The following FAM184B variants were observed in gnomAD, a reference collection of about 807,000 sequenced individuals.
FAM184B encodes the protein family with sequence similarity 184 member B.
In FAM184B, 111 loss-of-function variants were observed where a neutral mutation model predicts 135.9. The observed-to-expected ratio is 0.82, with a 90% CI of 0.70 to 0.96. The LOEUF (loss-of-function observed/expected upper bound fraction) is 0.96. Among genes scored for constraint, FAM184B ranks in the 40% least tolerant of loss-of-function variants. The probability of loss-of-function intolerance (pLI) is 0.00; values close to 1 mark genes in which losing one functional copy is unlikely to be tolerated. For missense variants in FAM184B, 1,375 were observed against 1,323.9 expected, an observed-to-expected ratio of 1.04 and a Z score of -0.60; for synonymous variants, 552 against 524.8, an observed-to-expected ratio of 1.05 and a Z score of -0.71.
rs556541561 is a variant in FAM184B, at chr4:17,709,585, C to A, written c.201G>T (p.Arg67=). ...TCTGGAGCTCCTCCTGGTGCGCTTCCCGCAGCGCCTCCATGCTGGCCTCAG... is the reference window on the plus strand; with the variant it reads ...TCTGGAGCTCCTCCTGGTGCGCTTCACGCAGCGCCTCCATGCTGGCCTCAG... ...DEAEASMEAL[R]EAHQEELQNA... Residue 67 remains arginine, a synonymous_variant, in exon 2 of 18, where the codon CGG becomes CGT. Transcript: ENST00000265018. 2,603 of 1,546,190 alleles carry A rather than the reference C, an allele frequency of 1.7e-3. 3 individuals are homozygous for A. Among genetic ancestry groups the A allele is most frequent in the Non-Finnish European group, 2.2e-3 (2,510 of 1,145,430 alleles).
At chr4:17,718,346 G>GA (rs969056956) in intron 1 of FAM184B, among the ~76,000 whole-genome samples, 7 of 150,648 alleles carry the variant, frequency 4.6e-5, no homozygotes, top group South Asian at 2.1e-4. Flanking sequence ...ACCTTGTTTA[G>GA]AAAAAAAAAG....
chr4:17,654,892 G>A (rs1715746377), intron 10 of FAM184B, among the ~76,000 whole-genome samples: 2 of 152,124 alleles, frequency 1.3e-5, no homozygotes, highest in African/African-American at 4.8e-5. Context: ...TCACTCTGTT[G>A]CCCAGCTGGA....
chr4:17,654,264 A>T, intron 10 of FAM184B, among the ~76,000 whole-genome samples: 1 of 151,398 alleles, frequency 6.6e-6, no homozygotes, highest in Non-Finnish European at 1.5e-5. Context: ...AGGAAATGAG[A>T]GATGGGCATT....
chr4:17,691,087 T>C (rs541949682), intron 6 of FAM184B, among the ~76,000 whole-genome samples: 1 of 152,220 alleles, frequency 6.6e-6, no homozygotes, highest in Admixed American at 6.5e-5. Flanking sequence ...AGGTTCTGAG[T>C]GACCCTTAGT....
intron 13 of FAM184B, among the ~76,000 whole-genome samples, chr4:17,639,785 C>A (rs991180785): frequency 6.6e-6 from 1 of 151,660 alleles, no homozygotes; most frequent in African/African-American, 2.4e-5. Flanking sequence ...ACCTGGGAGA[C>A]CAGGTCTTCC....
chr4:17,633,468 A>G, intron 17 of FAM184B: 1 of 443,490 alleles, frequency 2.3e-6, no homozygotes, highest in Non-Finnish European at 4.0e-6. Context: ...GCTAAGAATG[A>G]GGAAGACTGT....
At chr4:17,744,465 ACACACACACACACACACACACACAC>A (rs1218936123) in intron 1 of FAM184B, among the ~76,000 whole-genome samples, 2 of 142,056 alleles carry the variant, frequency 1.4e-5, no homozygotes, top group Non-Finnish European at 3.0e-5. Context: ...TCTCTCTCAC[ACACACACACACACACACACACACAC>A]CACACACACA....
At chr4:17,716,710 T>C (rs575856445) in intron 1 of FAM184B, among the ~76,000 whole-genome samples, 11 of 152,302 alleles carry the variant, frequency 7.2e-5, no homozygotes, top group Non-Finnish European at 1.6e-4. Flanking sequence ...TCCCTCATGG[T>C]CAATCATTTC....
Position 17,635,045 on chromosome 4 carries a change from G to T in FAM184B, c.2853C>A (p.Phe951Leu), listed in dbSNP as rs1189373019. 3.2e-6 allele frequency: 5 copies of T among 1,551,792 alleles called. No homozygotes were observed. Among genetic ancestry groups the T allele is most frequent in the Non-Finnish European group, 3.5e-6 (4 of 1,147,028 alleles). Reference protein sequence around the residue: ...AMSHRNRSFSFNPHPGYLTPS... With the variant: ...AMSHRNRSFSLNPHPGYLTPS... The stretch of plus-strand genomic sequence containing the variant: ...GGGTCAAATATCCCGGGTGAGGATT[G>T]AAAGAGAAAGACCGATTCCGGTGGG... Residue 951 changes from phenylalanine to leucine, a missense_variant, in exon 16 of 18, where the codon TTC (phenylalanine) becomes TTA (leucine). Coordinates refer to ENST00000265018, the MANE Select transcript of FAM184B (RefSeq NM_015688.2).
rs1164194024 is a variant in FAM184B at position 17,636,550 on chromosome 4, T to C, written c.2762A>G (p.Glu921Gly). 12 of 1,550,658 alleles carry C rather than the reference T, an allele frequency of 7.7e-6. No individual in the cohort carries two copies. The highest frequency in any genetic ancestry group is 1.7e-4 in the Middle Eastern group (1 of 6,014). Residue 921 changes from glutamate (E) to glycine (G), a missense_variant, in exon 15 of 18, where the codon GAG (glutamate) becomes GGG (glycine). Transcript: ENST00000265018. The stretch of plus-strand genomic sequence containing the variant: ...CACCGTGAGCTGCTTGATGATGTCC[T>C]CTCTCTCCTTCAGGCGGGTCTGCAG... ...GRLQTRLKEREDIIKQLTEER... is the reference protein window; with the variant it reads ...GRLQTRLKERGDIIKQLTEER...
intron 1 of FAM184B, among the ~76,000 whole-genome samples, chr4:17,719,960 T>G (rs1717480474): frequency 6.6e-6 from 1 of 152,226 alleles, no homozygotes; most frequent in Admixed American, 6.5e-5. Flanking sequence ...TGTCTTCTCT[T>G]GGCTTCCGCA....
intron 13 of FAM184B, 31 bp downstream of exon 13, chr4:17,642,025 G>T: frequency 6.6e-7 from 1 of 1,506,524 alleles, no homozygotes. Flanking sequence ...GGTGAGGGTG[G>T]CGCGGTGGCG....
chr4:17,689,413 A>G (rs1716669686), intron 6 of FAM184B, among the ~76,000 whole-genome samples: 1 of 152,134 alleles, frequency 6.6e-6, no homozygotes, highest in Non-Finnish European at 1.5e-5. Flanking sequence ...AATACTAGTT[A>G]GGCACCATGC....
At chr4:17,652,419 C>T (rs888510521) in intron 11 of FAM184B, among the ~76,000 whole-genome samples, 2 of 152,212 alleles carry the variant, frequency 1.3e-5, no homozygotes, top group Admixed American at 6.5e-5. Flanking sequence ...CCACCACACC[C>T]GGCCTTTATG....
In FAM184B at chr4:17,758,730, G is replaced by C. The variant is rs115537026; in HGVS notation, c.141+22429C>G. On this transcript the variant is annotated intron_variant, in intron 1 of 17. Coordinates refer to ENST00000265018, the MANE Select transcript of FAM184B (RefSeq NM_015688.2). ...TTAGCAGGCGAGAGCCTGAATGACA[G>C]CTGCACACTGCTCAGGGATCACAAC... 6.6e-4 allele frequency among the ~76,000 whole-genome samples: 100 copies of C among 152,344 alleles called. 1 individual carries two copies. The highest frequency in any genetic ancestry group is 2.3e-3 in the African/African-American group (97 of 41,582).
intron 14 of FAM184B, among the ~76,000 whole-genome samples, chr4:17,636,908 G>A (rs966115029): frequency 2.6e-5 from 4 of 152,210 alleles, no homozygotes; most frequent in Non-Finnish European, 5.9e-5. Flanking sequence ...GGGGCTTCAA[G>A]AGCCAGGGAT....
rs188500872 is a variant in FAM184B, at chr4:17,690,907, G to A, written c.1489-2376C>T. Among the ~76,000 whole-genome samples the A allele has an allele frequency of 2.3e-4, 35 of 152,292 alleles. No homozygotes were observed. The South Asian group carries it at 5.4e-3, about 24-fold the overall frequency. On this transcript the variant is annotated intron_variant, in intron 6 of 17. Coordinates refer to ENST00000265018, the MANE Select transcript of FAM184B (RefSeq NM_015688.2). ...CTAGGGGTGAGGATGGGAGAGCTGG[G>A]AGAAGAGACTATGATCAAGGATGAC...
Position 17,688,418 on chromosome 4 carries a change from G to T in FAM184B, c.1596+6C>A. On this transcript the variant is annotated splice_donor_region_variant and intron_variant, in intron 7 of 17. Transcript: ENST00000265018. ...TTTAATTAAATCTGACAAAGCTGGAGGTTACCTGGGTCTCCAGAATGCTGC... is the reference window on the plus strand; with the variant it reads ...TTTAATTAAATCTGACAAAGCTGGATGTTACCTGGGTCTCCAGAATGCTGC... The T allele has an allele frequency of 6.5e-7, 1 of 1,543,708 alleles. No homozygotes were observed. The highest frequency in any genetic ancestry group is 8.8e-7 in the Non-Finnish European group (1 of 1,142,398).
chr4:17,651,082 C>T (rs961928592), intron 11 of FAM184B, among the ~76,000 whole-genome samples: 3 of 152,100 alleles, frequency 2.0e-5, no homozygotes, highest in Non-Finnish European at 4.4e-5. Context: ...GGAAGAAATA[C>T]TTAATAAAGC....
Sources: allele counts gnomAD v4.1 joint callset (sites outside exome capture counted in the v4.1 genomes callset), GRCh38; gene constraint gnomAD v4.1.1; transcripts MANE v1.5; gene names NCBI Gene and HGNC (gene_info 2026-07-23, HGNC 2026-07-21).